The following NDUFAF2 variants were observed in gnomAD, a reference collection of about 807,000 sequenced individuals.
NDUFAF2 encodes NADH dehydrogenase [ubiquinone] 1 alpha subcomplex assembly factor 2.
Under a neutral mutation model 22.8 loss-of-function variants are expected in NDUFAF2, and 13 were observed. That is an observed-to-expected ratio of 0.57 (90% CI 0.37 to 0.91). NDUFAF2 has a LOEUF of 0.91. NDUFAF2 is among the 40% of genes least tolerant of loss of function. The pLI is 0.01. For synonymous variants in NDUFAF2, 53 were observed against 64.2 expected (o/e 0.83, Z 0.84); for missense variants, 162 against 195.2 (o/e 0.83, Z 1.01).
chr5:61,029,082 T>A (rs1424235818), intron 1 of NDUFAF2, among the ~76,000 whole-genome samples: 1 of 152,064 alleles, frequency 6.6e-6, no homozygotes, highest in Non-Finnish European at 1.5e-5. Flanking sequence ...GTGTATATCT[T>A]TACCCACTCT....
rs753245015 is a variant in NDUFAF2 at position 61,076,886 on chromosome 5, G to C, written c.217+3672G>C. Among the ~76,000 whole-genome samples, 3 of 152,144 alleles carry C rather than the reference G, an allele frequency of 2.0e-5. No homozygotes were observed. The South Asian group carries it at 6.2e-4, about 32-fold the overall frequency. ...CATTCCGGATCTGTGGTAAAAGTAG[G>C]ACCAACAGGATTTGATGACATATTG... is the stretch of plus-strand genomic sequence containing the variant. On this transcript the variant is annotated intron_variant, in intron 2 of 3. Coordinates refer to ENST00000296597, the MANE Select transcript of NDUFAF2 (RefSeq NM_174889.5).
intron 1 of NDUFAF2, among the ~76,000 whole-genome samples, chr5:61,018,431 T>C (rs551645096): frequency 2.6e-5 from 4 of 152,300 alleles, no homozygotes; most frequent in East Asian, 3.9e-4. Flanking sequence ...GGAAACAGTC[T>C]TCCAATATTC....
At chr5:61,030,055 G>A (rs978577863) in intron 1 of NDUFAF2, among the ~76,000 whole-genome samples, 1 of 152,080 alleles carries the variant, frequency 6.6e-6, no homozygotes, top group African/African-American at 2.4e-5. Context: ...ATTCAGCCCT[G>A]GTTGATAGAG....
intron 1 of NDUFAF2, among the ~76,000 whole-genome samples, chr5:61,060,821 A>G (rs976520678): frequency 1.3e-5 from 2 of 152,180 alleles, no homozygotes; most frequent in Non-Finnish European, 2.9e-5. Context: ...TTACAGCTCT[A>G]TAGCCCTCTA....
intron 1 of NDUFAF2, among the ~76,000 whole-genome samples, chr5:60,956,409 C>T (rs950574858): frequency 6.6e-6 from 1 of 152,110 alleles, no homozygotes; most frequent in African/African-American, 2.4e-5. Context: ...TGAGAGTAGG[C>T]ATCCTTGTCT....
intron 2 of NDUFAF2, among the ~76,000 whole-genome samples, chr5:61,081,621 T>G (rs541226731): frequency 6.6e-6 from 1 of 152,200 alleles, no homozygotes; most frequent in Non-Finnish European, 1.5e-5. Flanking sequence ...TAACAGAGCA[T>G]GTAAAGATCA....
chr5:60,978,357 A>G (rs1188758552), intron 1 of NDUFAF2, among the ~76,000 whole-genome samples: 2 of 152,166 alleles, frequency 1.3e-5, no homozygotes, highest in Non-Finnish European at 2.9e-5. Context: ...GAGACTGGGT[A>G]ATTTATGGAG....
intron 1 of NDUFAF2, among the ~76,000 whole-genome samples, chr5:61,006,240 T>C (rs992669607): frequency 6.6e-6 from 1 of 152,172 alleles, no homozygotes; most frequent in Non-Finnish European, 1.5e-5. Flanking sequence ...TTGTCAAAGA[T>C]CAGATGGTTG....
intron 1 of NDUFAF2, among the ~76,000 whole-genome samples, chr5:61,049,086 A>G (rs992694732): frequency 3.3e-5 from 5 of 152,166 alleles, no homozygotes; most frequent in Admixed American, 1.3e-4. Context: ...TTTTATATAT[A>G]TAGAATTTTA....
At chr5:60,992,675 A>G (rs1302552876) in intron 1 of NDUFAF2, among the ~76,000 whole-genome samples, 1 of 152,042 alleles carries the variant, frequency 6.6e-6, no homozygotes, top group Non-Finnish European at 1.5e-5. Flanking sequence ...CCTTTTTGAT[A>G]GAAGTATTCC....
intron 1 of NDUFAF2, among the ~76,000 whole-genome samples, chr5:60,984,921 G>A (rs1472139342): frequency 2.0e-5 from 3 of 152,158 alleles, no homozygotes; most frequent in South Asian, 2.1e-4. Context: ...AATGAGTTAG[G>A]GAGGATTCCC....
At chr5:61,131,575 C>T (rs1163831070) in intron 3 of NDUFAF2, among the ~76,000 whole-genome samples, 1 of 151,870 alleles carries the variant, frequency 6.6e-6, no homozygotes, top group Non-Finnish European at 1.5e-5. Context: ...AAATATGAAC[C>T]ATTCTAAACA....
rs182148971 is a variant in NDUFAF2 at position 61,067,698 on chromosome 5, T to C, written c.128-5427T>C. Among the ~76,000 whole-genome samples the C allele has an allele frequency of 7.9e-3, 1,196 of 152,262 alleles. 15 individuals carry two copies. Among genetic ancestry groups the C allele is most frequent in the African/African-American group, 0.027 (1,120 of 41,540 alleles). On this transcript the variant is annotated intron_variant, in intron 1 of 3. Coordinates refer to ENST00000296597, the MANE Select transcript of NDUFAF2 (RefSeq NM_174889.5). ...CCAGTAATGGGATGGCTGGGTCAAA[T>C]GGTATTTCTAGTTCTAGATCCCTGA... is the stretch of plus-strand genomic sequence containing the variant.
chr5:61,125,198 A>C (rs1008457208), intron 3 of NDUFAF2, among the ~76,000 whole-genome samples: 1 of 151,980 alleles, frequency 6.6e-6, no homozygotes, highest in African/African-American at 2.4e-5. Flanking sequence ...ATTCCCTTTC[A>C]TACTGTATTC....
intron 1 of NDUFAF2, among the ~76,000 whole-genome samples, chr5:60,980,329 A>G (rs1750960457): frequency 6.6e-6 from 1 of 152,228 alleles, no homozygotes; most frequent in South Asian, 2.1e-4. Flanking sequence ...AGTGACCAGT[A>G]CTGGAGAGGC....
At chr5:61,053,554 G>A (rs968142990) in intron 1 of NDUFAF2, among the ~76,000 whole-genome samples, 1 of 152,132 alleles carries the variant, frequency 6.6e-6, no homozygotes, top group African/African-American at 2.4e-5. Flanking sequence ...AAAAGTTCTA[G>A]GAAGACTCTT....
intron 1 of NDUFAF2, chr5:61,050,627 G>C (rs1184976116): frequency 6.6e-6 from 1 of 151,990 alleles, no homozygotes; most frequent in Non-Finnish European, 1.5e-5. Context: ...CTACTGACTT[G>C]GTGTAGTAGG....
intron 1 of NDUFAF2, among the ~76,000 whole-genome samples, chr5:61,012,118 G>A (rs1351434187): frequency 1.3e-5 from 2 of 151,540 alleles, no homozygotes; most frequent in Non-Finnish European, 2.9e-5. Context: ...TGTTTTTTAG[G>A]TTTCTCAAAC....
At chr5:61,107,046 TACACACACACACACAC>T (rs59521177) in intron 3 of NDUFAF2, among the ~76,000 whole-genome samples, 6 of 123,938 alleles carry the variant, frequency 4.8e-5, no homozygotes, top group South Asian at 2.7e-4. Context: ...TGGATAAATA[TACACACACACACACAC>T]ACACACACAC....
Sources: gnomAD v4.1 joint callset for allele counts (sites outside exome capture counted in the v4.1 genomes callset) on GRCh38, gnomAD v4.1.1 for gene constraint, MANE v1.5 for transcripts, NCBI Gene and HGNC (gene_info 2026-07-23, HGNC 2026-07-21) for gene names.